Variants in PLEKHA6 observed in about 807,000 individuals in gnomAD.
PLEKHA6 encodes the protein pleckstrin homology domain-containing family A member 6.
A neutral mutation model predicts 116.7 loss-of-function variants in PLEKHA6; 60 were observed. The ratio of observed to expected loss-of-function variants is 0.51; its 90% CI spans 0.42 to 0.64. The LOEUF (loss-of-function observed/expected upper bound fraction) is 0.64. Among genes scored for constraint, PLEKHA6 ranks in the 30% least tolerant of loss-of-function variants. The pLI, the probability that PLEKHA6 is intolerant of heterozygous loss-of-function variation, is 0.00. For missense variants in PLEKHA6, 1,338 were observed against 1,422.7 expected (o/e 0.94, Z 0.96); for synonymous variants, 489 against 556.1 (o/e 0.88, Z 1.70).
chr1:204,292,936 C>T (rs1486552832), intron 1 of PLEKHA6, among the ~76,000 whole-genome samples: 1 of 152,190 alleles, frequency 6.6e-6, no homozygotes, highest in African/African-American at 2.4e-5. Flanking sequence ...GCCAGACACA[C>T]GGCTGCGTTC....
intron 1 of PLEKHA6, among the ~76,000 whole-genome samples, chr1:204,328,433 G>A (rs1422126900): frequency 1.5e-5 from 2 of 132,782 alleles, no homozygotes; most frequent in East Asian, 2.2e-4. Flanking sequence ...TTTCGCTCTT[G>A]TTGCCCACGC....
At chr1:204,335,521 G>A (rs953153351) in intron 1 of PLEKHA6, among the ~76,000 whole-genome samples, 4 of 152,064 alleles carry the variant, frequency 2.6e-5, no homozygotes, top group Non-Finnish European at 4.4e-5. Flanking sequence ...TCTTTACGCC[G>A]CAGTGGCCGC....
At position 204,257,601 on chromosome 1, in the gene PLEKHA6, T is replaced by A; in HGVS notation, c.1276A>T (p.Ser426Cys). The change falls in exon 9 of 23, where the codon AGC (serine) becomes TGC (cysteine). Residue 426 changes from serine (S) to cysteine (C), a missense_variant. Around this residue, in one of 3 missense-constraint regions of PLEKHA6, gnomAD observed 1,136 missense variants for 1,163.6 expected, o/e 0.98. Coordinates refer to ENST00000272203, the MANE Select transcript of PLEKHA6 (RefSeq NM_014935.5). The surrounding 1 kb of genome is among the most constrained non-coding windows in gnomAD (Gnocchi z 6.5). Reference protein sequence around the residue: ...GRQDATVWIPSPSRQPVYYDE... With the variant: ...GRQDATVWIPCPSRQPVYYDE... ...TAATAGACTGGCTGCCGGGAGGGGCTTGGGATCCAGACGGTGGCATCCTGC... is the reference window on the plus strand; with the variant it reads ...TAATAGACTGGCTGCCGGGAGGGGCATGGGATCCAGACGGTGGCATCCTGC... The A allele has an allele frequency of 6.2e-7, 1 of 1,609,420 alleles. No homozygotes were observed. The highest frequency in any genetic ancestry group is 8.5e-7 in the Non-Finnish European group (1 of 1,178,228).
chr1:204,360,127 T>G (rs1673526033), upstream of PLEKHA6, among the ~76,000 whole-genome samples: 1 of 152,230 alleles, frequency 6.6e-6, no homozygotes, highest in Admixed American at 6.5e-5. Context: ...CACAGCCTCC[T>G]GGGCCTTCCA....
chr1:204,359,344 T>C (rs1480044572), intron 1 of PLEKHA6, among the ~76,000 whole-genome samples: 3 of 152,134 alleles, frequency 2.0e-5, no homozygotes, highest in Non-Finnish European at 4.4e-5. Context: ...GAGGGTGGGC[T>C]GGCCTCTCTG....
intron 1 of PLEKHA6, among the ~76,000 whole-genome samples, chr1:204,330,834 C>T (rs908289537): frequency 2.0e-5 from 3 of 152,154 alleles, no homozygotes; most frequent in African/African-American, 7.2e-5. Context: ...TGGCTCAGAG[C>T]CGAAAACAAA....
chr1:204,275,699 G>T (rs1667930881), intron 1 of PLEKHA6: 2 of 985,020 alleles, frequency 2.0e-6, no homozygotes, highest in African/African-American at 3.5e-5. Context: ...GCGCAGAGGG[G>T]CTGATGCAGC....
intron 1 of PLEKHA6, among the ~76,000 whole-genome samples, chr1:204,341,648 G>A (rs1171054163): frequency 6.6e-6 from 1 of 152,144 alleles, no homozygotes; most frequent in African/African-American, 2.4e-5. Flanking sequence ...GACTTAGAAG[G>A]CATGGTTATC....
At chr1:204,316,932 C>T (rs1420353333) in intron 1 of PLEKHA6, among the ~76,000 whole-genome samples, 1 of 152,152 alleles carries the variant, frequency 6.6e-6, no homozygotes, top group Admixed American at 6.5e-5. Context: ...AAAGCGGCCT[C>T]CTCGTATCCA....
chr1:204,230,512 C>T lies in PLEKHA6; in HGVS notation c.2484G>A (p.Met828Ile). 1 of 1,592,806 alleles carries T rather than the reference C, an allele frequency of 6.3e-7. No individual in the cohort carries two copies. Among genetic ancestry groups the T allele is most frequent in the Middle Eastern group, 1.7e-4 (1 of 6,038 alleles). ...TCATGGAGCCACTCTGGTGCCGCCGCATTCGGTCAATCTGCTCCTCCACGC... is the reference window on the plus strand; with the variant it reads ...TCATGGAGCCACTCTGGTGCCGCCGTATTCGGTCAATCTGCTCCTCCACGC... ...KMSVEEQIDRMRRHQSGSMRE... is the reference protein window; with the variant it reads ...KMSVEEQIDRIRRHQSGSMRE... The change falls in exon 18 of 23, where the codon ATG becomes ATA. Residue 828 changes from methionine (M) to isoleucine (I), a missense_variant. This residue lies in a region of PLEKHA6 where 1,136 missense variants were observed against 1,163.6 expected (regional missense o/e 0.98). Transcript: ENST00000272203.
At chr1:204,299,587 C>T (rs1179401251) in intron 1 of PLEKHA6, 8 of 974,836 alleles carry the variant, frequency 8.2e-6, no homozygotes, top group Non-Finnish European at 9.8e-6. Flanking sequence ...CAGAGGACAG[C>T]CATTATTGAG....
At chr1:204,244,471 C>G (rs1487438017) in intron 15 of PLEKHA6, among the ~76,000 whole-genome samples, 1 of 152,134 alleles carries the variant, frequency 6.6e-6, no homozygotes, top group East Asian at 1.9e-4. Context: ...CATGGTACCC[C>G]ATGCCCACAG....
chr1:204,348,647 T>G (rs1266247343), intron 1 of PLEKHA6, among the ~76,000 whole-genome samples: 2 of 152,104 alleles, frequency 1.3e-5, no homozygotes, highest in African/African-American at 2.4e-5. Flanking sequence ...GCATTTGGCC[T>G]GGGTATTCCA....
chr1:204,235,508 T>A (rs1204129728), intron 17 of PLEKHA6, among the ~76,000 whole-genome samples: 5 of 152,150 alleles, frequency 3.3e-5, no homozygotes, highest in Non-Finnish European at 7.3e-5. Flanking sequence ...TAGAGTCTTA[T>A]CTCCTGTAGA....
intron 1 of PLEKHA6, among the ~76,000 whole-genome samples, chr1:204,375,535 C>T (rs1673853136): frequency 6.6e-6 from 1 of 152,156 alleles, no homozygotes; most frequent in African/African-American, 2.4e-5. Context: ...TAATTCGGGC[C>T]CCATCAGCTG....
At chr1:204,325,097 C>CACACTGTA (rs901366631) in intron 1 of PLEKHA6, among the ~76,000 whole-genome samples, 2 of 152,114 alleles carry the variant, frequency 1.3e-5, no homozygotes, top group African/African-American at 4.8e-5. Context: ...GAGCCACCTC[C>CACACTGTA]ACACTGTACT....
At chr1:204,241,331 T>C (rs753127800) in intron 17 of PLEKHA6, 44 bp downstream of exon 17, 2 of 1,263,122 alleles carry the variant, frequency 1.6e-6, no homozygotes, top group Admixed American at 3.6e-5. Context: ...GCCCCTGGGC[T>C]CGCAGCCCAG....
intron 17 of PLEKHA6, among the ~76,000 whole-genome samples, chr1:204,232,688 A>G (rs1281055208): frequency 6.6e-6 from 1 of 152,250 alleles, no homozygotes; most frequent in African/African-American, 2.4e-5. Flanking sequence ...TTAACTACAA[A>G]CACATGCTAA....
At chr1:204,334,594 A>C (rs989079175) in intron 1 of PLEKHA6, among the ~76,000 whole-genome samples, 58 of 152,182 alleles carry the variant, frequency 3.8e-4, no homozygotes, top group African/African-American at 1.0e-3. Flanking sequence ...TGTGGTGAGA[A>C]CATTTAAAAC....
Sources: gnomAD v4.1 joint callset for allele counts (sites outside exome capture counted in the v4.1 genomes callset) on GRCh38, gnomAD v4.1.1 for gene constraint, gnomAD v4.1.1 regional missense constraint, Gnocchi (gnomAD v3.1) non-coding constraint, MANE v1.5 for transcripts, NCBI Gene and HGNC (gene_info 2026-07-23, HGNC 2026-07-21) for gene names.